Variants in C6 observed in about 807,000 individuals in gnomAD.
C6 encodes the protein complement component C6.
Under a neutral mutation model 112.9 loss-of-function variants are expected in C6, and 101 were observed. The observed-to-expected ratio is 0.89, with a 90% CI of 0.76 to 1.06. The LOEUF (loss-of-function observed/expected upper bound fraction) is 1.06. Ranked by LOEUF, C6 falls within the 50% of genes least tolerant of loss-of-function variation. The pLI is 0.00. For synonymous variants in C6, 431 were observed against 384.1 expected, an observed-to-expected ratio of 1.12 and a Z score of -1.43; for missense variants, 1,202 against 1,104.6, an observed-to-expected ratio of 1.09 and a Z score of -1.25.
intron 17 of C6, among the ~76,000 whole-genome samples, chr5:41,144,100 A>T (rs1745593691): frequency 6.6e-6 from 1 of 152,128 alleles, no homozygotes; most frequent in Non-Finnish European, 1.5e-5. Context: ...TTTCCCCAAC[A>T]AGACCCCAAA....
At chr5:41,216,218 T>C (rs1413772880), upstream of C6, among the ~76,000 whole-genome samples, 5 of 152,144 alleles carry the variant, frequency 3.3e-5, no homozygotes, top group Non-Finnish European at 4.4e-5. Context: ...TTCACTTCAC[T>C]CTTTGAAATC....
At chr5:41,189,172 C>A (rs910652291) in intron 5 of C6, among the ~76,000 whole-genome samples, 3 of 151,928 alleles carry the variant, frequency 2.0e-5, no homozygotes, top group Non-Finnish European at 2.9e-5. Context: ...TCATATGTAA[C>A]TGGGGGAAAT....
At chr5:41,220,488 T>A (rs1739096199) in intron 1 of C6, among the ~76,000 whole-genome samples, 1 of 152,176 alleles carries the variant, frequency 6.6e-6, no homozygotes. Flanking sequence ...TCAACAGACT[T>A]ACTAACGTTT....
At chr5:41,164,759 C>G (rs1465534821) in intron 9 of C6, among the ~76,000 whole-genome samples, 1 of 152,118 alleles carries the variant, frequency 6.6e-6, no homozygotes, top group Non-Finnish European at 1.5e-5. Flanking sequence ...TTTCTCATGT[C>G]AATTCCTCTA....
chr5:41,160,027 G>A, intron 11 of C6, 115 bp downstream of exon 11: 1 of 814,648 alleles, frequency 1.2e-6, no homozygotes, highest in Admixed American at 2.0e-5. Flanking sequence ...TTCCCTCTGA[G>A]CCTGTACAAG....
intron 1 of C6, among the ~76,000 whole-genome samples, chr5:41,222,798 C>A (rs529620341): frequency 6.6e-6 from 1 of 152,020 alleles, no homozygotes; most frequent in Non-Finnish European, 1.5e-5. Flanking sequence ...CCTTGTCCTT[C>A]GGGTTTATAG....
At chr5:41,156,869 C>T (rs1010763217) in intron 13 of C6, among the ~76,000 whole-genome samples, 2 of 152,076 alleles carry the variant, frequency 1.3e-5, no homozygotes, top group African/African-American at 4.8e-5. Context: ...GAATCTGTAA[C>T]ATATAAGTGT....
intron 9 of C6, among the ~76,000 whole-genome samples, 193 bp from the exon 10 acceptor site, chr5:41,162,052 TAAC>T (rs1240550133): frequency 1.3e-5 from 2 of 152,110 alleles, no homozygotes; most frequent in Admixed American, 1.3e-4. Context: ...GAAATAATAA[TAAC>T]AGTACTAACA....
At chr5:41,230,577 C>G (rs564300181) in intron 1 of C6, among the ~76,000 whole-genome samples, 1 of 152,252 alleles carries the variant, frequency 6.6e-6, no homozygotes, top group African/African-American at 2.4e-5. Flanking sequence ...AGATGTTTAT[C>G]AAGACAATGT....
intron 9 of C6, among the ~76,000 whole-genome samples, chr5:41,166,548 A>G (rs1490700726): frequency 6.6e-6 from 1 of 152,054 alleles, no homozygotes; most frequent in Non-Finnish European, 1.5e-5. Flanking sequence ...CATGTGTTCA[A>G]TGAGCACATC....
At chr5:41,222,045 A>G (rs1739204076) in intron 1 of C6, among the ~76,000 whole-genome samples, 1 of 151,868 alleles carries the variant, frequency 6.6e-6, no homozygotes, top group Non-Finnish European at 1.5e-5. Flanking sequence ...GGGCACCTGT[A>G]ATCTCAGTTA....
intron 1 of C6, among the ~76,000 whole-genome samples, chr5:41,240,400 C>A (rs1221754948): frequency 1.3e-5 from 2 of 152,108 alleles, no homozygotes; most frequent in African/African-American, 4.8e-5. Context: ...GTAGGAGCAG[C>A]TGTGGATCAA....
chr5:41,224,540 G>A (rs914714037), intron 1 of C6, among the ~76,000 whole-genome samples: 10 of 151,272 alleles, frequency 6.6e-5, no homozygotes, highest in African/African-American at 9.7e-5. Context: ...GACTAAGTGC[G>A]TTTTCAAGGT....
chr5:41,158,802 A>C lies in C6; in HGVS notation c.1857-17T>G. The C allele has an allele frequency of 7.3e-7, 1 of 1,370,082 alleles. No homozygotes were observed. The highest frequency in any genetic ancestry group is 1.0e-6 in the Non-Finnish European group (1 of 957,740). The allele number at this position is 1,370,082 out of a possible 1,614,324, so 84.9% of individuals were successfully genotyped here. A position where few individuals can be genotyped will look rare whatever the true frequency, so the allele number is the denominator to read the frequency against. On this transcript the variant is annotated splice_polypyrimidine_tract_variant and intron_variant, in intron 12 of 17. Coordinates refer to ENST00000337836, the MANE Select transcript of C6 (RefSeq NM_000065.5). ...GGTTGTCCACTAAAAGGGAAACATA[A>C]ATATGTGTGTATATGTATGTATGTA...
At chr5:41,252,314 C>A (rs987657309) in intron 1 of C6, among the ~76,000 whole-genome samples, 1 of 152,170 alleles carries the variant, frequency 6.6e-6, no homozygotes, top group African/African-American at 2.4e-5. Flanking sequence ...GATGGCCCCC[C>A]TCCTTGGCCA....
chr5:41,242,640 A>G (rs142001612), intron 1 of C6, among the ~76,000 whole-genome samples: 1 of 152,316 alleles, frequency 6.6e-6, no homozygotes, highest in Admixed American at 6.5e-5. Context: ...CTTTATATAA[A>G]TTATGTTTCA....
chr5:41,147,878 G>T (rs1222655440), intron 17 of C6, among the ~76,000 whole-genome samples: 1 of 152,122 alleles, frequency 6.6e-6, no homozygotes, highest in Non-Finnish European at 1.5e-5. Context: ...TCTATGGCCA[G>T]TAAACTTAGG....
rs544541522 is a variant in C6, at chr5:41,176,604, G to C, written c.1039C>G (p.Leu347Val). 1.2e-6 allele frequency: 2 copies of C among 1,613,922 alleles called. No homozygotes were observed. The highest frequency in any genetic ancestry group is 1.1e-5 in the South Asian group (1 of 91,066). The change falls in exon 8 of 18, where the codon CTA becomes GTA. Residue 347 changes from leucine to valine, a missense_variant. Transcript: ENST00000337836. The stretch of plus-strand genomic sequence containing the variant: ...CTGTACAAAGCAGAGTTGTATTCTA[G>C]AGGCAGATGGTTAAGTGCTTTCAAA... ...VFLKALNHLP[L>V]EYNSALYSRI...
At chr5:41,148,418 T>C (rs931683503) in intron 17 of C6, among the ~76,000 whole-genome samples, 5 of 152,156 alleles carry the variant, frequency 3.3e-5, no homozygotes, top group African/African-American at 1.2e-4. Context: ...ACTCCTGAAA[T>C]GTTCAAGACC....
Sources: allele counts gnomAD v4.1 joint callset (sites outside exome capture counted in the v4.1 genomes callset), GRCh38; gene constraint gnomAD v4.1.1; transcripts MANE v1.5; gene names NCBI Gene and HGNC (gene_info 2026-07-23, HGNC 2026-07-21).